Variants in VOPP1 observed in about 807,000 individuals in gnomAD.
VOPP1 encodes the protein WW domain binding protein VOPP1.
A neutral mutation model predicts 23.5 loss-of-function variants in VOPP1; 8 were observed. The observed-to-expected ratio is 0.34, with a 90% confidence interval of 0.20 to 0.61. The LOEUF (loss-of-function observed/expected upper bound fraction) is 0.61. Ranked by LOEUF, VOPP1 falls within the 20% of genes least tolerant of loss-of-function variation. VOPP1 has a pLI of 0.78. For missense variants in VOPP1, 174 were observed against 238.1 expected, an observed-to-expected ratio of 0.73 and a Z score of 1.77; for synonymous variants, 83 against 97.3, an observed-to-expected ratio of 0.85 and a Z score of 0.86.
At chr7:55,542,589 A>T (rs1412127057) in intron 1 of VOPP1, among the ~76,000 whole-genome samples, 1 of 152,178 alleles carries the variant, frequency 6.6e-6, no homozygotes, top group African/African-American at 2.4e-5. Flanking sequence ...CAGGAGTTCA[A>T]GACCAGCCTG....
intron 1 of VOPP1, among the ~76,000 whole-genome samples, chr7:55,531,698 A>T (rs1020756284): frequency 1.8e-4 from 27 of 152,140 alleles, no homozygotes; most frequent in African/African-American, 6.0e-4. Flanking sequence ...GAGTAACATT[A>T]TGAAAAAAAA....
chr7:55,553,272 A>G (rs1797686328), intron 1 of VOPP1, among the ~76,000 whole-genome samples: 1 of 152,100 alleles, frequency 6.6e-6, no homozygotes, highest in African/African-American at 2.4e-5. Flanking sequence ...TAGTTCCAAC[A>G]CCTAACAGGA....
At chr7:55,517,140 G>A (rs933884968) in intron 2 of VOPP1, among the ~76,000 whole-genome samples, 1 of 150,564 alleles carries the variant, frequency 6.6e-6, no homozygotes, top group Non-Finnish European at 1.5e-5. Context: ...GTAGAGACGG[G>A]GTTTCACCAT....
chr7:55,549,210 C>T (rs1797495992), intron 1 of VOPP1, among the ~76,000 whole-genome samples: 1 of 152,200 alleles, frequency 6.6e-6, no homozygotes, highest in Non-Finnish European at 1.5e-5. Flanking sequence ...TCATAAACCA[C>T]TCCAAAACAC....
chr7:55,495,790 G>A (rs1793907639), intron 3 of VOPP1, among the ~76,000 whole-genome samples: 1 of 152,228 alleles, frequency 6.6e-6, no homozygotes, highest in South Asian at 2.1e-4. Flanking sequence ...GTGGGGCACT[G>A]TAAGCTCACA....
At chr7:55,552,911 C>G in intron 1 of VOPP1, 2 of 1,103,408 alleles carry the variant, frequency 1.8e-6, no homozygotes, top group Non-Finnish European at 2.4e-6. Context: ...AAAAATTATA[C>G]GTGCTGCTAG....
intron 2 of VOPP1, among the ~76,000 whole-genome samples, chr7:55,501,105 G>GGTGCTT (rs1398022157): frequency 6.6e-6 from 1 of 152,226 alleles, no homozygotes; most frequent in Non-Finnish European, 1.5e-5. Flanking sequence ...ACTCTTTAAT[G>GGTGCTT]GTGCTTGCAT....
intron 4 of VOPP1, among the ~76,000 whole-genome samples, chr7:55,478,702 G>A (rs815962): frequency 0.29 from 43,720 of 152,158 alleles, 6,958 homozygotes; most frequent in East Asian, 0.52. Flanking sequence ...ATAGAACCAG[G>A]ACCTCAGGGT....
intron 4 of VOPP1, among the ~76,000 whole-genome samples, chr7:55,436,593 A>G (rs915330876): frequency 6.7e-6 from 1 of 148,160 alleles, no homozygotes; most frequent in South Asian, 2.1e-4. Flanking sequence ...CTTTCAGACA[A>G]TTGTGCATGA....
chr7:55,564,248 T>TCTCTCTCTCTCTCTCTCTCTCTCTCA (rs1798085862), intron 1 of VOPP1, among the ~76,000 whole-genome samples: 1 of 148,224 alleles, frequency 6.7e-6, no homozygotes, highest in Non-Finnish European at 1.5e-5. Flanking sequence ...TCTCTGTCTC[T>TCTCTCTCTCTCTCTCTCTCTCTCTCA]CTCTCTCTCT....
chr7:55,549,134 G>C (rs1797491299), intron 1 of VOPP1, among the ~76,000 whole-genome samples: 1 of 152,208 alleles, frequency 6.6e-6, no homozygotes, highest in African/African-American at 2.4e-5. Context: ...CAGGCAGCTA[G>C]AGACCAGGTA....
chr7:55,550,282 A>G (rs113553799), intron 1 of VOPP1, among the ~76,000 whole-genome samples: 1 of 152,244 alleles, frequency 6.6e-6, no homozygotes, highest in African/African-American at 2.4e-5. Flanking sequence ...CTGGAGAGAA[A>G]ATCTGCCAAC....
At chr7:55,446,831 G>T (rs770335325) in intron 4 of VOPP1, among the ~76,000 whole-genome samples, 1 of 152,182 alleles carries the variant, frequency 6.6e-6, no homozygotes, top group Admixed American at 6.5e-5. Context: ...TCATAAGGAG[G>T]TTAGTAACAA....
At position 55,454,902 on chromosome 7, in the gene VOPP1, C is replaced by T. The variant is rs10238966; in HGVS notation, n.418-18728G>A. On this transcript the variant is annotated intron_variant and non_coding_transcript_variant, in intron 4 of 4. Transcript: ENST00000462326. ...TGAAAACCAGCACAAGACAAGGATG[C>T]CCTCTCTCATCACTCCTATTCAACA... Among the ~76,000 whole-genome samples the T allele has an allele frequency of 4.4e-3, 673 of 152,310 alleles. 6 individuals are homozygous for T. The highest frequency in any genetic ancestry group is 0.016 in the African/African-American group (649 of 41,572).
At chr7:55,440,866 G>A (rs1289265546) in intron 4 of VOPP1, among the ~76,000 whole-genome samples, 2 of 152,282 alleles carry the variant, frequency 1.3e-5, no homozygotes, top group Non-Finnish European at 1.5e-5. Flanking sequence ...TACGCCGCTG[G>A]CACAGTCGTC....
chr7:55,525,298 C>A (rs184389704), intron 1 of VOPP1, among the ~76,000 whole-genome samples: 1 of 152,048 alleles, frequency 6.6e-6, no homozygotes, highest in Admixed American at 6.5e-5. Context: ...GACTATCCTG[C>A]CTAACACAGT....
At chr7:55,518,243 GGT>G (rs1185894357) in intron 2 of VOPP1, among the ~76,000 whole-genome samples, 1 of 152,204 alleles carries the variant, frequency 6.6e-6, no homozygotes, top group Non-Finnish European at 1.5e-5. Flanking sequence ...TGGGAAGGCT[GGT>G]GCTAGGCAGA....
chr7:55,507,460 G>A (rs906621121), intron 2 of VOPP1, among the ~76,000 whole-genome samples: 1 of 152,084 alleles, frequency 6.6e-6, no homozygotes, highest in Non-Finnish European at 1.5e-5. Flanking sequence ...GATATACAAA[G>A]AGCTGTGTAC....
At chr7:55,528,640 C>G (rs980347471) in intron 1 of VOPP1, among the ~76,000 whole-genome samples, 2 of 151,348 alleles carry the variant, frequency 1.3e-5, no homozygotes, top group African/African-American at 4.9e-5. Flanking sequence ...GAGCTGAGAT[C>G]GCACTACTGC....
Sources: allele counts gnomAD v4.1 joint callset (sites outside exome capture counted in the v4.1 genomes callset), GRCh38; gene constraint gnomAD v4.1.1; transcripts MANE v1.5; gene names NCBI Gene and HGNC (gene_info 2026-07-23, HGNC 2026-07-21).